The following DKK2 variants were observed in gnomAD, a reference collection of about 807,000 sequenced individuals.
The protein encoded by DKK2 is dickkopf Wnt signaling pathway inhibitor 2, also known as dickkopf-related protein 2.
DKK2 carries 11 observed loss-of-function variants against 28.1 expected under a neutral mutation model. The observed-to-expected ratio is 0.39, with a 90% confidence interval of 0.25 to 0.65. The LOEUF is 0.65. DKK2 is among the 30% of genes least tolerant of loss of function. The pLI is 0.47. For missense variants in DKK2, 326 were observed against 335.5 expected (o/e 0.97, Z 0.22); for synonymous variants, 135 against 126.5 (o/e 1.07, Z -0.45).
intron 1 of DKK2, among the ~76,000 whole-genome samples, chr4:106,991,831 G>A (rs1158386911): frequency 6.6e-6 from 1 of 152,050 alleles, no homozygotes; most frequent in Admixed American, 6.6e-5. Flanking sequence ...GCTTTTCGAA[G>A]GCTTCATATT....
chr4:106,931,761 C>A (rs190456918), intron 1 of DKK2, among the ~76,000 whole-genome samples: 1 of 152,082 alleles, frequency 6.6e-6, no homozygotes, highest in Non-Finnish European at 1.5e-5. Flanking sequence ...TACAAGTCAT[C>A]GCAACTATTT....
intron 1 of DKK2, among the ~76,000 whole-genome samples, chr4:107,026,887 G>A (rs4956279): frequency 0.24 from 36,047 of 152,006 alleles, 4,658 homozygotes; most frequent in East Asian, 0.53. Flanking sequence ...AAAAGTAGAT[G>A]GCTGCATATT....
At chr4:107,001,115 T>G (rs559290342) in intron 1 of DKK2, among the ~76,000 whole-genome samples, 1 of 152,024 alleles carries the variant, frequency 6.6e-6, no homozygotes, top group African/African-American at 2.4e-5. Flanking sequence ...TACTCCCAGC[T>G]TAGAAACTTA....
At chr4:107,029,104 T>A (rs1179676880) in intron 1 of DKK2, among the ~76,000 whole-genome samples, 1 of 152,206 alleles carries the variant, frequency 6.6e-6, no homozygotes, top group African/African-American at 2.4e-5. Context: ...TAACATACTT[T>A]AGACTTCTCA....
chr4:106,950,998 T>C (rs1724850086), intron 1 of DKK2, among the ~76,000 whole-genome samples: 1 of 151,840 alleles, frequency 6.6e-6, no homozygotes. Flanking sequence ...TTTTGAAATG[T>C]ATATGGATTT....
chr4:106,924,336 C>G, intron 3 of DKK2, 132 bp from the exon 4 acceptor site: 8 of 1,353,390 alleles, frequency 5.9e-6, no homozygotes, highest in Non-Finnish European at 7.9e-6. Flanking sequence ...AATGAAAAGT[C>G]TTGGTTGATA....
chr4:107,013,182 C>T (rs368053770), intron 1 of DKK2, among the ~76,000 whole-genome samples: 33 of 151,154 alleles, frequency 2.2e-4, no homozygotes, highest in African/African-American at 5.6e-4. Context: ...ATAAAGGAAA[C>T]GATCCTAAAA....
intron 1 of DKK2, among the ~76,000 whole-genome samples, chr4:106,955,201 T>C (rs1722572285): frequency 6.6e-6 from 1 of 152,170 alleles, no homozygotes. Context: ...AATGTTATAA[T>C]GTTATTTCTT....
At chr4:106,980,602 C>T (rs1268395430) in intron 1 of DKK2, among the ~76,000 whole-genome samples, 1 of 152,056 alleles carries the variant, frequency 6.6e-6, no homozygotes, top group African/African-American at 2.4e-5. Context: ...GTAAGTAATA[C>T]AATTTTTCTA....
chr4:106,950,922 C>T (rs1390439948), intron 1 of DKK2, among the ~76,000 whole-genome samples: 5 of 152,052 alleles, frequency 3.3e-5, no homozygotes, highest in Admixed American at 3.3e-4. Flanking sequence ...TGCTTCCTCC[C>T]ATATATTACC....
At chr4:106,947,106 C>G (rs1326307816) in intron 1 of DKK2, among the ~76,000 whole-genome samples, 1 of 152,142 alleles carries the variant, frequency 6.6e-6, no homozygotes, top group East Asian at 1.9e-4. Flanking sequence ...TTCAATCCGT[C>G]TTTTCAGGGA....
chr4:106,951,437 C>T (rs968334218), intron 1 of DKK2, among the ~76,000 whole-genome samples: 2 of 152,118 alleles, frequency 1.3e-5, no homozygotes, highest in Non-Finnish European at 2.9e-5. Context: ...TCAACCTAAG[C>T]ATCCATCAGC....
chr4:107,030,335 T>C (rs1723857930), intron 1 of DKK2, among the ~76,000 whole-genome samples: 1 of 152,074 alleles, frequency 6.6e-6, no homozygotes, highest in Admixed American at 6.5e-5. Flanking sequence ...TTACCTTAAA[T>C]AGTAATACTA....
At chr4:106,945,717 T>G (rs1432066229) in intron 1 of DKK2, among the ~76,000 whole-genome samples, 1 of 152,168 alleles carries the variant, frequency 6.6e-6, no homozygotes, top group Non-Finnish European at 1.5e-5. Flanking sequence ...TGCTGAGTCC[T>G]CAACCATATC....
chr4:106,966,574 C>T (rs1722783952), intron 1 of DKK2, among the ~76,000 whole-genome samples: 1 of 152,162 alleles, frequency 6.6e-6, no homozygotes, highest in African/African-American at 2.4e-5. Context: ...ATGTTATAAG[C>T]CCCTGGGTTC....
At chr4:106,957,652 G>A (rs1271695863) in intron 1 of DKK2, among the ~76,000 whole-genome samples, 2 of 145,868 alleles carry the variant, frequency 1.4e-5, no homozygotes, top group African/African-American at 2.5e-5. Flanking sequence ...CTATCGCAAG[G>A]ACAAAAAACC....
chr4:106,927,824 A>G (rs1395674905), intron 1 of DKK2, among the ~76,000 whole-genome samples: 1 of 152,208 alleles, frequency 6.6e-6, no homozygotes, highest in African/African-American at 2.4e-5. Flanking sequence ...GTTTTGCAAC[A>G]AACATTTGAA....
At chr4:107,022,462 G>A (rs1300885695) in intron 1 of DKK2, among the ~76,000 whole-genome samples, 3 of 152,096 alleles carry the variant, frequency 2.0e-5, no homozygotes, top group Non-Finnish European at 4.4e-5. Context: ...GATTAAGTAG[G>A]TTAAGTATAC....
At chr4:106,952,943 C>T (rs548565192) in intron 1 of DKK2, among the ~76,000 whole-genome samples, 1 of 152,272 alleles carries the variant, frequency 6.6e-6, no homozygotes, top group Admixed American at 6.5e-5. Context: ...TGTTGGTCAA[C>T]TTGCTTATCA....
Sources: allele counts gnomAD v4.1 joint callset (sites outside exome capture counted in the v4.1 genomes callset), GRCh38; gene constraint gnomAD v4.1.1; transcripts MANE v1.5; gene names NCBI Gene and HGNC (gene_info 2026-07-23, HGNC 2026-07-21).